Variants in CTSO observed in about 807,000 individuals in gnomAD.
CTSO encodes cathepsin O.
Under a neutral mutation model 42.4 loss-of-function variants are expected in CTSO, and 40 were observed. The observed-to-expected ratio is 0.94, with a 90% CI of 0.73 to 1.23. The LOEUF (loss-of-function observed/expected upper bound fraction) is 1.23, where lower values mean the gene tolerates loss of function less well. Among genes scored for constraint, CTSO ranks in the 50% most tolerant of loss-of-function variants. CTSO has a pLI of 0.00. For missense variants in CTSO, 441 were observed against 396.0 expected (o/e 1.11, Z -0.96); for synonymous variants, 156 against 146.2 (o/e 1.07, Z -0.48).
chr4:155,949,641 C>T (rs145229174), intron 1 of CTSO, among the ~76,000 whole-genome samples: 4 of 152,308 alleles, frequency 2.6e-5, no homozygotes, highest in Admixed American at 1.3e-4. Context: ...ATAAATTGTA[C>T]ACATAGATTT....
chr4:155,937,885 G>A (rs909868441), intron 4 of CTSO, among the ~76,000 whole-genome samples: 1 of 152,092 alleles, frequency 6.6e-6, no homozygotes, highest in Non-Finnish European at 1.5e-5. Flanking sequence ...CAAAATACTG[G>A]GATTACAGGT....
chr4:155,953,629 CTCGGGG>C, intron 1 of CTSO, 78 bp downstream of exon 1: 1 of 1,226,770 alleles, frequency 8.2e-7, no homozygotes, highest in Non-Finnish European at 1.0e-6. Flanking sequence ...AGGGTCAGCT[CTCGGGG>C]GCCCTCTTCC....
intron 5 of CTSO, among the ~76,000 whole-genome samples, chr4:155,931,666 C>A (rs1240002980): frequency 1.3e-5 from 2 of 151,964 alleles, no homozygotes; most frequent in Non-Finnish European, 2.9e-5. Flanking sequence ...TATAGAACTA[C>A]TATCAACATG....
intron 1 of CTSO, among the ~76,000 whole-genome samples, chr4:155,950,971 T>G (rs1385545326): frequency 6.6e-6 from 1 of 152,074 alleles, no homozygotes; most frequent in African/African-American, 2.4e-5. Flanking sequence ...TAAAGCCTAT[T>G]TGGAGGACCT....
intron 1 of CTSO, among the ~76,000 whole-genome samples, chr4:155,950,242 T>C (rs1743646200): frequency 6.6e-6 from 1 of 152,216 alleles, no homozygotes; most frequent in South Asian, 2.1e-4. Flanking sequence ...TTTACATTCT[T>C]TTTATTTACA....
intron 5 of CTSO, among the ~76,000 whole-genome samples, chr4:155,936,679 T>C (rs1305321884): frequency 1.3e-5 from 2 of 152,160 alleles, no homozygotes; most frequent in Non-Finnish European, 2.9e-5. Flanking sequence ...TTAATGATTG[T>C]TTTCCCCAAA....
At position 155,939,445 on chromosome 4, in the gene CTSO, C is replaced by G. The variant is rs1486305738; in HGVS notation, c.478G>C (p.Val160Leu). Reference protein sequence around the residue: ...KPLEDLSVQQVIDCSYNNYGC... With the variant: ...KPLEDLSVQQLIDCSYNNYGC... ...TAATTATTATACGAACAGTCAATGA[C>G]CTGCTGGACACTTAGGTCTTCCAGG... The change falls in exon 4 of 8, where the codon GTC becomes CTC. Residue 160 changes from valine (V) to leucine (L), a missense_variant. Val to Leu is a conservative substitution (Grantham distance 32). Coordinates refer to ENST00000433477, the MANE Select transcript of CTSO (RefSeq NM_001334.3). 7 of 1,614,152 alleles carry G rather than the reference C, an allele frequency of 4.3e-6. No individual in the cohort carries two copies. The highest frequency in any genetic ancestry group is 5.1e-6 in the Non-Finnish European group (6 of 1,180,010).
rs1047182801 is a variant in CTSO at position 155,946,996 on chromosome 4, C to T, written c.136-3732G>A. 9.9e-5 allele frequency among the ~76,000 whole-genome samples: 15 copies of T among 151,932 alleles called. No homozygotes were observed. The East Asian group carries it at 2.9e-3, about 29-fold the overall frequency. ...TCAGCCTCCCGAGTAGCTGGGACTA[C>T]GGGCACCCGCCACAATGCCCGGCTA... On this transcript the variant is annotated intron_variant, in intron 1 of 7. Coordinates refer to ENST00000433477, the MANE Select transcript of CTSO (RefSeq NM_001334.3).
intron 4 of CTSO, 99 bp from the exon 5 acceptor site, chr4:155,937,582 C>T (rs1479785581): frequency 1.7e-5 from 18 of 1,085,632 alleles, no homozygotes; most frequent in Non-Finnish European, 2.5e-5. Context: ...TTTCACACAC[C>T]TTCATCATGT....
At chr4:155,929,405 G>A (rs1045992676) in intron 6 of CTSO, 137 bp downstream of exon 6, 4 of 812,542 alleles carry the variant, frequency 4.9e-6, no homozygotes, top group Admixed American at 6.1e-5. Flanking sequence ...ACTCCTATAA[G>A]ATTGTTGAGA....
intron 1 of CTSO, 45 bp downstream of exon 1, chr4:155,953,668 A>G (rs1743718600): frequency 8.1e-7 from 1 of 1,238,212 alleles, no homozygotes; most frequent in East Asian, 3.2e-5. Context: ...CGGGACAGGA[A>G]GTGAGGGAGC....
intron 1 of CTSO, among the ~76,000 whole-genome samples, chr4:155,948,521 T>A (rs1165390934): frequency 2.6e-5 from 4 of 152,130 alleles, no homozygotes; most frequent in African/African-American, 9.7e-5. Flanking sequence ...TTCATGAGTA[T>A]GCTAAAGGAG....
In CTSO at chr4:155,928,344, T is replaced by A. The variant is rs752109298; in HGVS notation, c.923A>T (p.Asn308Ile). ...DGYAHVKMGS[N>I]VCGIADSVSS... Reference sequence around the variant, plus strand: ...ACAAACTCATGACTTACCACAAACATTACTTCCCATTTTGACATGGGCATA... The same window carrying A: ...ACAAACTCATGACTTACCACAAACAATACTTCCCATTTTGACATGGGCATA... The change falls in exon 7 of 8, where the codon AAT becomes ATT. Residue 308 changes from asparagine to isoleucine, a missense_variant. Transcript: ENST00000433477. 1.2e-6 allele frequency: 2 copies of A among 1,610,616 alleles called. No homozygotes were observed. Among genetic ancestry groups the A allele is most frequent in the Non-Finnish European group, 1.7e-6 (2 of 1,177,662 alleles).
chr4:155,953,025 T>G (rs1231438980), intron 1 of CTSO, among the ~76,000 whole-genome samples: 2 of 151,362 alleles, frequency 1.3e-5, no homozygotes, highest in Non-Finnish European at 2.9e-5. Context: ...CCTTCCAGAG[T>G]TTTCATGCTA....
intron 3 of CTSO, among the ~76,000 whole-genome samples, chr4:155,941,957 C>T (rs1003237961): frequency 6.6e-6 from 1 of 151,994 alleles, no homozygotes; most frequent in African/African-American, 2.4e-5. Context: ...CTCATGTTTA[C>T]CTTCTCCAGC....
intron 1 of CTSO, among the ~76,000 whole-genome samples, chr4:155,948,966 C>G (rs1743597735): frequency 6.6e-6 from 1 of 152,166 alleles, no homozygotes; most frequent in Non-Finnish European, 1.5e-5. Context: ...TAAATGAAAT[C>G]ATGTATTTTC....
At chr4:155,932,590 T>G (rs573515472) in intron 5 of CTSO, among the ~76,000 whole-genome samples, 1 of 152,148 alleles carries the variant, frequency 6.6e-6, no homozygotes, top group South Asian at 2.1e-4. Flanking sequence ...GCAAGCCCAG[T>G]CCCCATTTCC....
chr4:155,931,945 C>T (rs543390159), intron 5 of CTSO, among the ~76,000 whole-genome samples: 1 of 151,766 alleles, frequency 6.6e-6, no homozygotes, highest in African/African-American at 2.4e-5. Flanking sequence ...CAAGTCTGAC[C>T]TGTTACTGAT....
intron 5 of CTSO, among the ~76,000 whole-genome samples, chr4:155,930,371 A>T (rs1452237405): frequency 6.6e-6 from 1 of 152,242 alleles, no homozygotes; most frequent in Non-Finnish European, 1.5e-5. Context: ...CAAATATTTT[A>T]AAAAGAGAAG....
Sources: allele counts gnomAD v4.1 joint callset (sites outside exome capture counted in the v4.1 genomes callset), GRCh38; gene constraint gnomAD v4.1.1; transcripts MANE v1.5; gene names NCBI Gene and HGNC (gene_info 2026-07-23, HGNC 2026-07-21).